SGPP2: variants seen among roughly 807,000 people sequenced by gnomAD.
The protein encoded by SGPP2 is sphingosine-1-phosphate phosphatase 2.
SGPP2 carries 30 observed loss-of-function variants against 33.9 expected under a neutral mutation model. The observed-to-expected ratio is 0.89, with a 90% CI of 0.66 to 1.20. The LOEUF is 1.20. Among genes scored for constraint, SGPP2 ranks in the 50% most tolerant of loss-of-function variants. The pLI is 0.00. For synonymous variants in SGPP2, 233 were observed against 225.0 expected (o/e 1.04, Z -0.32); for missense variants, 458 against 532.1 (o/e 0.86, Z 1.37).
At chr2:222,482,447 AG>A (rs1255699443) in intron 2 of SGPP2, among the ~76,000 whole-genome samples, 1 of 152,062 alleles carries the variant, frequency 6.6e-6, no homozygotes, top group East Asian at 1.9e-4. Flanking sequence ...CCCAGGCTTG[AG>A]TATAGTGGCA....
At chr2:222,458,052 T>A (rs1350510555) in intron 1 of SGPP2, among the ~76,000 whole-genome samples, 1 of 152,038 alleles carries the variant, frequency 6.6e-6, no homozygotes, top group Non-Finnish European at 1.5e-5. Flanking sequence ...TTTTTTGTTT[T>A]GTTTTTGTTT....
intron 4 of SGPP2, among the ~76,000 whole-genome samples, chr2:222,526,874 G>A (rs1698766086): frequency 6.6e-6 from 1 of 152,118 alleles, no homozygotes; most frequent in Non-Finnish European, 1.5e-5. Flanking sequence ...GAGGTTGGGG[G>A]TGAGGGGAGG....
At chr2:222,497,339 G>T (rs927939531) in intron 2 of SGPP2, among the ~76,000 whole-genome samples, 2 of 137,710 alleles carry the variant, frequency 1.5e-5, no homozygotes, top group African/African-American at 5.3e-5. Flanking sequence ...TGCAACCTCC[G>T]CCTCCCAGGT....
chr2:222,516,996 A>G (rs1211100334), intron 2 of SGPP2, among the ~76,000 whole-genome samples: 1 of 152,154 alleles, frequency 6.6e-6, no homozygotes, highest in African/African-American at 2.4e-5. Flanking sequence ...TGTGCCTCAC[A>G]GTTTAAACTC....
intron 2 of SGPP2, among the ~76,000 whole-genome samples, chr2:222,507,139 T>C (rs1251568525): frequency 1.3e-5 from 2 of 152,154 alleles, no homozygotes; most frequent in African/African-American, 4.8e-5. Flanking sequence ...ATGATAATGC[T>C]TGGTGATTTA....
At chr2:222,516,915 T>G (rs1024192164) in intron 2 of SGPP2, among the ~76,000 whole-genome samples, 5 of 152,254 alleles carry the variant, frequency 3.3e-5, no homozygotes, top group Admixed American at 6.5e-5. Context: ...CTAACAAATC[T>G]AGGAGATGAG....
intron 2 of SGPP2, among the ~76,000 whole-genome samples, chr2:222,515,132 C>A (rs1698584738): frequency 6.6e-6 from 1 of 151,940 alleles, no homozygotes; most frequent in Non-Finnish European, 1.5e-5. Context: ...AACTGATGTC[C>A]TTCCTTCAAG....
intron 4 of SGPP2, among the ~76,000 whole-genome samples, chr2:222,535,966 T>G (rs6708532): frequency 6.6e-6 from 1 of 152,180 alleles, no homozygotes; most frequent in South Asian, 2.1e-4. Context: ...CATCCACTTT[T>G]CCCAAATAAA....
At chr2:222,451,142 A>G (rs1389431287) in intron 1 of SGPP2, among the ~76,000 whole-genome samples, 2 of 10,088 alleles carry the variant, frequency 2.0e-4, no homozygotes, top group Non-Finnish European at 4.4e-4. Flanking sequence ...CAAAAAGAGA[A>G]AAAAAAAAAA....
At chr2:222,518,777 C>T (rs896109235) in intron 2 of SGPP2, among the ~76,000 whole-genome samples, 4 of 152,148 alleles carry the variant, frequency 2.6e-5, no homozygotes, top group Non-Finnish European at 5.9e-5. Context: ...GAGTAATTGT[C>T]GCTGAGGCTT....
At position 222,469,002 on chromosome 2, in the gene SGPP2, TAAAAAAAACTTTCAG is replaced by T. The variant is rs1697797505; in HGVS notation, c.220-5560_220-5546del. Among the ~76,000 whole-genome samples the T allele has an allele frequency of 2.0e-5, 3 of 152,088 alleles. No individual in the cohort carries two copies. In the South Asian group the frequency reaches 6.2e-4, roughly 32 times the overall value. On this transcript the variant is annotated intron_variant, in intron 1 of 4. Coordinates refer to ENST00000321276, the MANE Select transcript of SGPP2 (RefSeq NM_152386.4). ...TAAGGAGCCCTAGGAAAACCTTTTT[TAAAAAAAACTTTCAG>T]AAAAATAAACTAATAAATAAGAGCC...
chr2:222,552,011 T>C (rs1689301781), intron 4 of SGPP2, among the ~76,000 whole-genome samples: 1 of 152,232 alleles, frequency 6.6e-6, no homozygotes, highest in South Asian at 2.1e-4. Flanking sequence ...TAGTCTCCAA[T>C]CTCATCCAGG....
chr2:222,559,159 G>GC lies in SGPP2; in HGVS notation c.*262dup, dbSNP rs1306968136. On this transcript the variant is annotated 3_prime_UTR_variant, in exon 5 of 5. Transcript: ENST00000321276. ...ATCCGGATCTTTAAAGGCACACACC[G>GC]CGCCCCCCCCCCCCCCGCCCGGCCC... The GC allele has an allele frequency of 3.7e-3, 95 of 25,894 alleles. 5 individuals are homozygous for GC. Among genetic ancestry groups the GC allele is most frequent in the South Asian group, 0.016 (21 of 1,324 alleles). The allele number at this position is 25,894 out of a possible 1,614,324, so 1.6% of individuals were successfully genotyped here.
chr2:222,551,578 G>C (rs1689294937), intron 4 of SGPP2, among the ~76,000 whole-genome samples: 2 of 152,070 alleles, frequency 1.3e-5, no homozygotes, highest in South Asian at 4.2e-4. Context: ...ATTAGCTAGA[G>C]TCCAAGTATT....
At chr2:222,535,359 C>A (rs1698897340) in intron 4 of SGPP2, among the ~76,000 whole-genome samples, 1 of 124,228 alleles carries the variant, frequency 8.0e-6, no homozygotes, top group African/African-American at 3.1e-5. Context: ...GCCTGGGTGA[C>A]AGAGCGAGAC....
chr2:222,504,133 C>T (rs1444079573), intron 2 of SGPP2: 1 of 152,208 alleles, frequency 6.6e-6, no homozygotes, highest in Non-Finnish European at 1.5e-5. Context: ...CTCCAGATGG[C>T]AAATCTCATT....
chr2:222,521,632 G>T (rs2106133697), intron 2 of SGPP2, 135 bp from the exon 3 acceptor site: 1 of 861,896 alleles, frequency 1.2e-6, no homozygotes, highest in Non-Finnish European at 1.7e-6. Context: ...ACAAGACTTT[G>T]CCAACAAGTA....
chr2:222,533,403 C>T (rs539262332), intron 4 of SGPP2, among the ~76,000 whole-genome samples: 3 of 152,138 alleles, frequency 2.0e-5, no homozygotes, highest in Non-Finnish European at 2.9e-5. Context: ...GGGGACAGGT[C>T]GCAGAGCAGA....
In SGPP2 at chr2:222,483,504, A is replaced by G. The variant is rs562252015; in HGVS notation, c.378+8778A>G. 3.5e-4 allele frequency among the ~76,000 whole-genome samples: 54 copies of G among 152,312 alleles called. 1 individual carries two copies. Among genetic ancestry groups the G allele is most frequent in the African/African-American group, 1.3e-3 (52 of 41,566 alleles). ...TAGCTAGCTGATACTTACAGTAAAA[A>G]CTACACTGAAAATTTACATTTAAAT... On this transcript the variant is annotated intron_variant, in intron 2 of 4. Transcript: ENST00000321276.
Sources: gnomAD v4.1 joint callset for allele counts (sites outside exome capture counted in the v4.1 genomes callset) on GRCh38, gnomAD v4.1.1 for gene constraint, MANE v1.5 for transcripts, NCBI Gene and HGNC (gene_info 2026-07-23, HGNC 2026-07-21) for gene names.